The following TUSC3 variants were observed in gnomAD, a reference collection of about 807,000 sequenced individuals.
The protein encoded by TUSC3 is tumor suppressor candidate 3, also known as dolichyl-diphosphooligosaccharide--protein glycosyltransferase subunit TUSC3.
TUSC3 carries 45 observed loss-of-function variants against 44.8 expected under a neutral mutation model. The observed-to-expected ratio is 1.00, with a 90% CI of 0.79 to 1.29. The LOEUF is 1.29. TUSC3 is among the 50% of genes most tolerant of loss of function. The pLI, the probability that TUSC3 is intolerant of heterozygous loss-of-function variation, is 0.00. For missense variants in TUSC3, 519 were observed against 437.9 expected, an observed-to-expected ratio of 1.19 and a Z score of -1.65; for synonymous variants, 212 against 152.9, an observed-to-expected ratio of 1.39 and a Z score of -2.85.
At chr8:15,424,202 T>C (rs1399188073) in intron 1 of TUSC3, among the ~76,000 whole-genome samples, 2 of 151,840 alleles carry the variant, frequency 1.3e-5, no homozygotes, top group Admixed American at 1.3e-4. Context: ...TTAGCCAGGA[T>C]AGTGTCTATC....
At chr8:15,698,448 C>T (rs992738295) in intron 6 of TUSC3, among the ~76,000 whole-genome samples, 1 of 152,060 alleles carries the variant, frequency 6.6e-6, no homozygotes, top group Non-Finnish European at 1.5e-5. Context: ...TTACTAAATC[C>T]TTAAGTTATA....
chr8:15,426,722 T>C (rs1585783342), intron 1 of TUSC3, among the ~76,000 whole-genome samples: 1 of 152,228 alleles, frequency 6.6e-6, no homozygotes, highest in Admixed American at 6.5e-5. Context: ...AAGATCCTGA[T>C]TTTAATTCTT....
At chr8:15,542,128 T>G (rs1362781927) in intron 1 of TUSC3, among the ~76,000 whole-genome samples, 4 of 151,730 alleles carry the variant, frequency 2.6e-5, no homozygotes, top group Non-Finnish European at 4.4e-5. Context: ...AATACATTGA[T>G]CAATACATGT....
chr8:15,561,623 T>A (rs1802466927), intron 1 of TUSC3: 1 of 154,656 alleles, frequency 6.5e-6, no homozygotes, highest in Admixed American at 6.6e-5. Flanking sequence ...CCTTGCAGTT[T>A]GATCTCAGAC....
chr8:15,788,415 C>T, the TUSC3 span, among the ~76,000 whole-genome samples: 2 of 151,956 alleles, frequency 1.3e-5, no homozygotes, highest in Non-Finnish European at 2.9e-5. Context: ...GGCTTGGTGG[C>T]AGGCACCTGT....
chr8:15,527,294 A>G (rs182271867), intron 2 of TUSC3, among the ~76,000 whole-genome samples: 2 of 152,076 alleles, frequency 1.3e-5, no homozygotes, highest in Non-Finnish European at 2.9e-5. Context: ...TTGGCTCACT[A>G]CAACCTCCGC....
chr8:15,486,889 A>G (rs1416368576), intron 2 of TUSC3, among the ~76,000 whole-genome samples: 1 of 152,254 alleles, frequency 6.6e-6, no homozygotes. Context: ...CAGTAATAGC[A>G]ATATATCCAG....
chr8:15,488,989 G>C (rs1487589623), intron 2 of TUSC3, among the ~76,000 whole-genome samples: 2 of 152,170 alleles, frequency 1.3e-5, no homozygotes. Flanking sequence ...ATTCAGGATA[G>C]AGTGTGTTGA....
the TUSC3 span, among the ~76,000 whole-genome samples, chr8:15,791,678 A>T: frequency 6.6e-6 from 1 of 152,202 alleles, no homozygotes; most frequent in African/African-American, 2.4e-5. Context: ...TCTCACACAT[A>T]AGAAAAAATA....
chr8:15,614,552 C>G (rs927956449), intron 1 of TUSC3, among the ~76,000 whole-genome samples: 4 of 152,086 alleles, frequency 2.6e-5, no homozygotes, highest in Non-Finnish European at 5.9e-5. Flanking sequence ...AATGTGTGGT[C>G]TGTTATGTCT....
rs745838793 is a variant in TUSC3 at position 15,544,998 on chromosome 8, A to G, written c.138+4430A>G. ...TAGCAATAGAATGGTCTTTATGTAC[A>G]TATGGTTCTATATTTTACATGTTAC... On this transcript the variant is annotated intron_variant, in intron 1 of 10. Coordinates refer to ENST00000503731, the MANE Select transcript of TUSC3 (RefSeq NM_006765.4). Among the ~76,000 whole-genome samples, 119 of 151,938 alleles carry G rather than the reference A, an allele frequency of 7.8e-4. 1 individual carries two copies. The highest frequency in any genetic ancestry group is 2.7e-3 in the African/African-American group (112 of 41,542).
intron 1 of TUSC3, among the ~76,000 whole-genome samples, chr8:15,442,988 A>C (rs1585791147): frequency 6.6e-6 from 1 of 152,030 alleles, no homozygotes; most frequent in East Asian, 1.9e-4. Flanking sequence ...TTTAAGCTTG[A>C]TGTTTCCCTT....
intron 1 of TUSC3, among the ~76,000 whole-genome samples, chr8:15,480,039 GC>G (rs1563262019): frequency 6.6e-6 from 1 of 152,028 alleles, no homozygotes; most frequent in Non-Finnish European, 1.5e-5. Context: ...ATGAATGAAT[GC>G]CCATTTACAA....
chr8:15,713,222 C>T (rs1809927507), intron 6 of TUSC3, among the ~76,000 whole-genome samples: 1 of 152,084 alleles, frequency 6.6e-6, no homozygotes, highest in Non-Finnish European at 1.5e-5. Context: ...CCAAAGGTAA[C>T]AGTGGTTTAC....
chr8:15,685,102 A>T (rs1018711071), intron 6 of TUSC3, among the ~76,000 whole-genome samples: 13 of 152,324 alleles, frequency 8.5e-5, no homozygotes, highest in African/African-American at 2.2e-4. Flanking sequence ...CTGGAGCTGC[A>T]CTGCGTAGTG....
the TUSC3 span, among the ~76,000 whole-genome samples, chr8:15,823,122 T>C: frequency 6.6e-6 from 1 of 152,156 alleles, no homozygotes; most frequent in East Asian, 1.9e-4. Flanking sequence ...ATATTGACTT[T>C]TTGCTTATGG....
chr8:15,692,940 C>CT (rs1808984020), intron 6 of TUSC3, among the ~76,000 whole-genome samples: 1 of 152,104 alleles, frequency 6.6e-6, no homozygotes, highest in African/African-American at 2.4e-5. Context: ...ATCTTTGTTG[C>CT]TTTAAAGAAT....
chr8:15,616,857 A>G (rs998711187), intron 1 of TUSC3, among the ~76,000 whole-genome samples: 2 of 152,060 alleles, frequency 1.3e-5, no homozygotes, highest in Non-Finnish European at 2.9e-5. Flanking sequence ...AGGTCGCCGC[A>G]TGCCTGGCCC....
the TUSC3 span, among the ~76,000 whole-genome samples, chr8:15,828,241 C>T: frequency 0.026 from 4,022 of 152,232 alleles, 137 homozygotes; most frequent in South Asian, 0.078. Flanking sequence ...GTGATCCACC[C>T]GCCTTGGCCT....
Sources: gnomAD v4.1 joint callset for allele counts (sites outside exome capture counted in the v4.1 genomes callset) on GRCh38, gnomAD v4.1.1 for gene constraint, MANE v1.5 for transcripts, NCBI Gene and HGNC (gene_info 2026-07-23, HGNC 2026-07-21) for gene names.